CNTNAP4: variants seen among roughly 807,000 people sequenced by gnomAD.
CNTNAP4 encodes contactin-associated protein-like 4.
A neutral mutation model predicts 148.4 loss-of-function variants in CNTNAP4; 98 were observed. The ratio of observed to expected loss-of-function variants is 0.66; its 90% CI spans 0.56 to 0.78. CNTNAP4 has a LOEUF of 0.78. CNTNAP4 is among the 30% of genes least tolerant of loss of function. CNTNAP4 has a pLI of 0.00. For missense variants in CNTNAP4, 1,935 were observed against 1,565.6 expected (o/e 1.24, Z -3.98); for synonymous variants, 730 against 565.1 (o/e 1.29, Z -4.14).
chr16:76,497,001 A>G (rs1348804007), intron 14 of CNTNAP4, among the ~76,000 whole-genome samples: 1 of 152,178 alleles, frequency 6.6e-6, no homozygotes, highest in East Asian at 1.9e-4. Context: ...CCAAAGGTAA[A>G]TTTTAGAATA....
intron 2 of CNTNAP4, among the ~76,000 whole-genome samples, chr16:76,346,146 G>C: frequency 6.6e-6 from 1 of 152,124 alleles, no homozygotes; most frequent in South Asian, 2.1e-4. Context: ...CTTAAGCCCA[G>C]AGGTAAACAA....
intron 15 of CNTNAP4, among the ~76,000 whole-genome samples, chr16:76,499,389 T>G (rs898415315): frequency 7.9e-5 from 12 of 152,064 alleles, no homozygotes; most frequent in East Asian, 1.9e-4. Flanking sequence ...ACTGTAGACC[T>G]CAATATGACA....
At chr16:76,288,783 A>AT (rs565035364) in intron 1 of CNTNAP4, among the ~76,000 whole-genome samples, 5 of 151,998 alleles carry the variant, frequency 3.3e-5, no homozygotes, top group African/African-American at 4.8e-5. Flanking sequence ...GATAATTTGT[A>AT]TTTTTTTTCA....
intron 2 of CNTNAP4, among the ~76,000 whole-genome samples, chr16:76,335,072 G>A (rs781361801): frequency 2.6e-4 from 39 of 152,024 alleles, no homozygotes; most frequent in African/African-American, 5.6e-4. Context: ...GTTGGGAGAC[G>A]GTTATCAAAC....
intron 4 of CNTNAP4, among the ~76,000 whole-genome samples, chr16:76,440,251 C>G (rs771806283): frequency 1.2e-4 from 18 of 152,100 alleles, no homozygotes; most frequent in South Asian, 2.1e-4. Context: ...ATAAAAGACT[C>G]TAGTGTCTTT....
chr16:76,503,966 T>C (rs1048371381), intron 15 of CNTNAP4, among the ~76,000 whole-genome samples: 2 of 151,974 alleles, frequency 1.3e-5, no homozygotes, highest in Non-Finnish European at 2.9e-5. Flanking sequence ...AAGAAAATTA[T>C]ATTTAAAAAT....
chr16:76,400,597 G>A (rs2078373727), intron 3 of CNTNAP4, among the ~76,000 whole-genome samples: 1 of 152,102 alleles, frequency 6.6e-6, no homozygotes, highest in African/African-American at 2.4e-5. Context: ...CAATGTCTTT[G>A]TCATGAAATC....
intron 1 of CNTNAP4, among the ~76,000 whole-genome samples, chr16:76,313,258 A>T (rs1299128284): frequency 1.3e-5 from 2 of 152,228 alleles, no homozygotes; most frequent in Non-Finnish European, 1.5e-5. Flanking sequence ...CATTACATCC[A>T]AAACATCGAT....
intron 2 of CNTNAP4, among the ~76,000 whole-genome samples, chr16:76,339,302 A>G (rs1041763847): frequency 8.5e-5 from 13 of 152,176 alleles, no homozygotes; most frequent in Non-Finnish European, 1.6e-4. Flanking sequence ...CATTCAACAT[A>G]TAACATCTCA....
At chr16:76,551,403 AAAT>A (rs764726199) in intron 21 of CNTNAP4, among the ~76,000 whole-genome samples, 25 of 138,486 alleles carry the variant, frequency 1.8e-4, no homozygotes, top group African/African-American at 5.8e-4. Context: ...GTTAAAAAAA[AAAT>A]ATATATATAT....
intron 15 of CNTNAP4, among the ~76,000 whole-genome samples, chr16:76,507,056 A>G (rs556584233): frequency 1.0e-5 from 1 of 97,168 alleles, no homozygotes; most frequent in African/African-American, 2.6e-5. Context: ...AGCAATTTAC[A>G]TTTTTAATTT....
intron 1 of CNTNAP4, among the ~76,000 whole-genome samples, chr16:76,294,334 A>G (rs1471220795): frequency 2.0e-5 from 3 of 152,162 alleles, no homozygotes; most frequent in Non-Finnish European, 4.4e-5. Flanking sequence ...GTTTCCTCTC[A>G]TTTCTCTTAA....
chr16:76,340,837 A>G (rs1399893878), intron 2 of CNTNAP4, among the ~76,000 whole-genome samples: 1 of 152,174 alleles, frequency 6.6e-6, no homozygotes, highest in Admixed American at 6.6e-5. Context: ...AATTTGATCA[A>G]GGAGATATGT....
At chr16:76,377,884 T>A (rs1335217624) in intron 3 of CNTNAP4, among the ~76,000 whole-genome samples, 1 of 152,166 alleles carries the variant, frequency 6.6e-6, no homozygotes, top group East Asian at 1.9e-4. Context: ...TCATTTGGAT[T>A]TCAGGTGGGA....
At chr16:76,280,520 C>T (rs1044032456) in intron 1 of CNTNAP4, among the ~76,000 whole-genome samples, 1 of 151,944 alleles carries the variant, frequency 6.6e-6, no homozygotes, top group African/African-American at 2.4e-5. Context: ...TTTTGGTGGC[C>T]CTGTTAAGTA....
Position 76,522,628 on chromosome 16 carries a change from TC to T in CNTNAP4, c.2755+373del, listed in dbSNP as rs1444597983. On this transcript the variant is annotated intron_variant, in intron 17 of 23. Coordinates refer to ENST00000611870, the MANE Select transcript of CNTNAP4 (RefSeq NM_033401.5). ...TTCTTTATTTCCTTCCTTCCTTCCT[TC>T]CTTCCTTCTTTCTTTCTTTTCTCTC... Among the ~76,000 whole-genome samples the T allele has an allele frequency of 2.2e-4, 26 of 119,652 alleles. 2 individuals carry two copies. Among genetic ancestry groups the T allele is most frequent in the African/African-American group, 8.2e-4 (25 of 30,340 alleles). The allele number at this position is 119,652 out of a possible 152,430, so 78.5% of individuals were successfully genotyped here.
rs1412134964 is a variant in CNTNAP4 at position 76,479,453 on chromosome 16, CA to C, written c.1798del (p.Arg600GlufsTer10). ...AGCAGTCATGTGAAGCCTATAAGCA[CA>C]GAGGAAATACTTCAGGGTTTTACTA... Reference protein sequence around the residue: ...YEQSCEAYKHRGNTSGFYYID... With the variant: ...YEQSCEAYKHXGNTSGFYYID... On this transcript the variant is annotated frameshift_variant, in exon 12 of 24. Coordinates refer to ENST00000611870, the MANE Select transcript of CNTNAP4 (RefSeq NM_033401.5). LOFTEE classifies it high-confidence loss of function. 4 of 1,610,616 alleles carry C rather than the reference CA, an allele frequency of 2.5e-6. No individual in the cohort carries two copies. In the South Asian group the frequency reaches 3.3e-5, roughly 13 times the overall value.
chr16:76,277,887 G>A, intron 1 of CNTNAP4, 140 bp downstream of exon 1: 1 of 651,204 alleles, frequency 1.5e-6, no homozygotes, highest in Non-Finnish European at 2.7e-6. Context: ...TAAAAATCTT[G>A]CCAATGTGAC....
intron 8 of CNTNAP4, among the ~76,000 whole-genome samples, chr16:76,455,651 C>T (rs577172377): frequency 6.6e-6 from 1 of 152,196 alleles, no homozygotes; most frequent in Non-Finnish European, 1.5e-5. Flanking sequence ...TGGTTAGTGA[C>T]TACGGTTAGT....
Sources: allele counts gnomAD v4.1 joint callset (sites outside exome capture counted in the v4.1 genomes callset), GRCh38; gene constraint gnomAD v4.1.1; transcripts MANE v1.5; gene names NCBI Gene and HGNC (gene_info 2026-07-23, HGNC 2026-07-21).